Variants in BFSP2 observed in about 807,000 individuals in gnomAD.
The protein encoded by BFSP2 is beaded filament structural protein 2.
In BFSP2, 38 loss-of-function variants were observed where a neutral mutation model predicts 44.9. The ratio of observed to expected loss-of-function variants is 0.85; its 90% CI spans 0.65 to 1.11. The LOEUF (loss-of-function observed/expected upper bound fraction) is 1.11, where lower values mean the gene tolerates loss of function less well. Among genes scored for constraint, BFSP2 ranks in the 50% least tolerant of loss-of-function variants. The pLI, the probability that BFSP2 is intolerant of heterozygous loss-of-function variation, is 0.00. For synonymous variants in BFSP2, 197 were observed against 209.9 expected, an observed-to-expected ratio of 0.94 and a Z score of 0.53; for missense variants, 525 against 533.0, an observed-to-expected ratio of 0.99 and a Z score of 0.15.
intron 1 of BFSP2, among the ~76,000 whole-genome samples, chr3:133,420,426 TG>T (rs1170135219): frequency 1.3e-5 from 2 of 152,242 alleles, no homozygotes; most frequent in Middle Eastern, 3.4e-3. Context: ...GAGGGGATGT[TG>T]AGTTTTTGTG....
At chr3:133,418,748 C>T (rs2073567253) in intron 1 of BFSP2, among the ~76,000 whole-genome samples, 1 of 152,130 alleles carries the variant, frequency 6.6e-6, no homozygotes, top group Admixed American at 6.5e-5. Context: ...CCTTCCCTAA[C>T]AAAATCATTT....
intron 2 of BFSP2, 32 bp from the exon 3 acceptor site, chr3:133,448,457 C>A: frequency 6.2e-7 from 1 of 1,612,298 alleles, no homozygotes; most frequent in South Asian, 1.1e-5. Context: ...TTGGGCTACT[C>A]AGTTATGCTA....
At chr3:133,415,129 T>G (rs2073505844) in intron 1 of BFSP2, among the ~76,000 whole-genome samples, 1 of 106,802 alleles carries the variant, frequency 9.4e-6, no homozygotes, top group Non-Finnish European at 1.9e-5. Flanking sequence ...TACTTACCCC[T>G]CTACTCAACC....
intron 2 of BFSP2, among the ~76,000 whole-genome samples, chr3:133,447,874 T>C (rs2073917944): frequency 6.6e-6 from 1 of 152,180 alleles, no homozygotes. Context: ...GTCAGTGCAG[T>C]GCACAAGCCA....
intron 3 of BFSP2, chr3:133,448,953 C>A: frequency 1.1e-5 from 4 of 353,402 alleles, no homozygotes; most frequent in Non-Finnish European, 1.6e-5. Context: ...TCAATGCATT[C>A]TATGTCAGGT....
chr3:133,446,335 A>G (rs570971054), intron 1 of BFSP2, among the ~76,000 whole-genome samples: 42 of 151,784 alleles, frequency 2.8e-4, no homozygotes, highest in African/African-American at 9.9e-4. Flanking sequence ...GCACGAGAAT[A>G]TCTTGAATCT....
At chr3:133,425,681 G>T (rs961954822) in intron 1 of BFSP2, among the ~76,000 whole-genome samples, 1 of 151,390 alleles carries the variant, frequency 6.6e-6, no homozygotes, top group Admixed American at 6.6e-5. Flanking sequence ...AGTCAGTTCC[G>T]TCTCTCTTTC....
chr3:133,472,263 C>T, intron 5 of BFSP2, 82 bp from the exon 6 acceptor site: 1 of 1,448,162 alleles, frequency 6.9e-7, no homozygotes, highest in Non-Finnish European at 9.4e-7. Flanking sequence ...TACCACCAGC[C>T]CCTGCCACTG....
intron 1 of BFSP2, among the ~76,000 whole-genome samples, chr3:133,431,180 T>C (rs373386196): frequency 5.4e-4 from 82 of 152,088 alleles, no homozygotes; most frequent in Middle Eastern, 3.2e-3. Flanking sequence ...AATCTGCTCC[T>C]GACATTAAAT....
chr3:133,423,369 T>G (rs2073612255), intron 1 of BFSP2, among the ~76,000 whole-genome samples: 1 of 152,194 alleles, frequency 6.6e-6, no homozygotes, highest in Admixed American at 6.5e-5. Flanking sequence ...TTGTGGGAAT[T>G]AAATAATTCA....
At chr3:133,464,134 C>T (rs1450816296) in intron 4 of BFSP2, among the ~76,000 whole-genome samples, 6 of 152,142 alleles carry the variant, frequency 3.9e-5, no homozygotes, top group Non-Finnish European at 8.8e-5. Context: ...AGGAACCCAA[C>T]CCCAAAGAGG....
Position 133,422,105 on chromosome 3 carries a change from C to CAAAAAAAAAAA in BFSP2, c.489+21544_489+21554dup, listed in dbSNP as rs35193779. ...CTGGCAACAAAGCGAGACTCCATCT[C>CAAAAAAAAAAA]AAAAAAAAAAAAAAAAAAAAATCCA... On this transcript the variant is annotated intron_variant, in intron 1 of 6. Coordinates refer to ENST00000302334, the MANE Select transcript of BFSP2 (RefSeq NM_003571.4). Among the ~76,000 whole-genome samples, 3 of 84,084 alleles carry CAAAAAAAAAAA rather than the reference C, an allele frequency of 3.6e-5. 1 individual carries two copies. The highest frequency in any genetic ancestry group is 1.7e-4 in the African/African-American group (3 of 17,400). The allele number at this position is 84,084 out of a possible 152,430, so 55.2% of individuals were successfully genotyped here.
chr3:133,432,262 C>T (rs1417290519), intron 1 of BFSP2, among the ~76,000 whole-genome samples: 1 of 152,226 alleles, frequency 6.6e-6, no homozygotes, highest in South Asian at 2.1e-4. Flanking sequence ...GGATCTGCGC[C>T]TTATCAACCA....
At chr3:133,443,953 C>T (rs1483873669) in intron 1 of BFSP2, among the ~76,000 whole-genome samples, 1 of 152,040 alleles carries the variant, frequency 6.6e-6, no homozygotes, top group Non-Finnish European at 1.5e-5. Flanking sequence ...TCTCATCCAC[C>T]ACCACCAGCT....
intron 1 of BFSP2, among the ~76,000 whole-genome samples, chr3:133,403,198 C>T (rs1046908014): frequency 3.3e-5 from 5 of 152,140 alleles, no homozygotes; most frequent in Non-Finnish European, 5.9e-5. Flanking sequence ...AGCCACTCTG[C>T]GGTCCTGGGC....
In BFSP2 at chr3:133,400,523, C is replaced by T. The variant is rs765954213; in HGVS notation, c.440C>T (p.Ser147Leu). The T allele has an allele frequency of 4.3e-6, 7 of 1,613,642 alleles. No homozygotes were observed. In the Admixed American group the frequency reaches 5.0e-5, roughly 12 times the overall value. Residue 147 changes from serine to leucine, a missense_variant, in exon 1 of 7, where the codon TCG (serine) becomes TTG (leucine). Physicochemically the swap from Ser to Leu is moderately radical, Grantham distance 145 (BLOSUM62 -2). Transcript: ENST00000302334. This position sits in a 1 kb window ranked among gnomAD's most constrained non-coding sequence, Gnocchi z 4.0. ...CACCTGGAGAGCAAAGCCACACGCT[C>T]GGGAAACTGGGGTGCCCTACGGGCT... Reference protein sequence around the residue: ...RMHLESKATRSGNWGALRASW... With the variant: ...RMHLESKATRLGNWGALRASW...
At chr3:133,427,136 A>C (rs934166523) in intron 1 of BFSP2, among the ~76,000 whole-genome samples, 1 of 152,250 alleles carries the variant, frequency 6.6e-6, no homozygotes, top group Non-Finnish European at 1.5e-5. Flanking sequence ...CAAATGCTGG[A>C]GAAAACTCCC....
At chr3:133,449,969 GAAGGAAAGAAGGA>G (rs2073942603) in intron 3 of BFSP2, among the ~76,000 whole-genome samples, 1 of 108,454 alleles carries the variant, frequency 9.2e-6, no homozygotes, top group Non-Finnish European at 1.9e-5. Context: ...GAAAGAGAAA[GAAGGAAAGAAGGA>G]AAGGAAGGAA....
At chr3:133,408,264 C>T (rs1304641184) in intron 1 of BFSP2, among the ~76,000 whole-genome samples, 1 of 152,134 alleles carries the variant, frequency 6.6e-6, no homozygotes, top group African/African-American at 2.4e-5. Context: ...CTCCTAATGT[C>T]TCAACTGCAC....
Sources: gnomAD v4.1 joint callset for allele counts (sites outside exome capture counted in the v4.1 genomes callset) on GRCh38, gnomAD v4.1.1 for gene constraint, Gnocchi (gnomAD v3.1) non-coding constraint, MANE v1.5 for transcripts, NCBI Gene and HGNC (gene_info 2026-07-23, HGNC 2026-07-21) for gene names.